The following IGFN1 variants were observed in gnomAD, a reference collection of about 807,000 sequenced individuals.
The protein encoded by IGFN1 is immunoglobulin like and fibronectin type III domain containing 1.
IGFN1 carries 253 observed loss-of-function variants against 289.5 expected under a neutral mutation model. The observed-to-expected ratio is 0.87, with a 90% CI of 0.79 to 0.97. IGFN1 has a LOEUF of 0.97. IGFN1 is among the 50% of genes least tolerant of loss of function. The pLI, the probability that IGFN1 is intolerant of heterozygous loss-of-function variation, is 0.00. For synonymous variants in IGFN1, 1,706 were observed against 1,788.5 expected, an observed-to-expected ratio of 0.95 and a Z score of 1.16; for missense variants, 4,470 against 4,686.1, an observed-to-expected ratio of 0.95 and a Z score of 1.35.
chr1:201,227,358 A>G (rs893807546), intron 23 of IGFN1, 150 bp downstream of exon 23: 3 of 575,944 alleles, frequency 5.2e-6, no homozygotes, highest in Non-Finnish European at 9.0e-6. Context: ...ACTTTCAGCT[A>G]TTTAACCTAC....
rs1410244647 is a variant in IGFN1, at chr1:201,213,136, A to C, written c.8243A>C (p.Lys2748Thr). The change falls in exon 12 of 24, where the codon AAA becomes ACA. Residue 2748 changes from lysine (K) to threonine (T), a missense_variant. Physicochemically the swap from Lys to Thr is moderately conservative, Grantham distance 78. Coordinates refer to ENST00000335211, the MANE Select transcript of IGFN1 (RefSeq NM_001164586.2). ...GGCTTAGATGGTCCCTTTGGCAGAA[A>C]AGCCTCTAGAGATAGGTCAGGAGGG... ...WNGLDGPFGR[K>T]ASRDRSGGTQ... 6.4e-7 allele frequency: 1 copy of C among 1,551,584 alleles called. No individual in the cohort carries two copies. Among genetic ancestry groups the C allele is most frequent in the African/African-American group, 1.4e-5 (1 of 73,122 alleles).
rs569661162 is a variant in IGFN1 at position 201,207,302 on chromosome 1, G to A, written c.2409G>A (p.Ser803=). ...GRDGQETAWA[S]GEVEYDPRSF... is the part of the protein sequence containing the mutation. ...ATGGCCAGGAAACAGCTTGGGCCTC[G>A]GGTGAGGTAGAGTATGACCCCAGAA... Residue 803 remains serine, a synonymous_variant, in exon 12 of 24, where the codon TCG becomes TCA. Coordinates refer to ENST00000335211, the MANE Select transcript of IGFN1 (RefSeq NM_001164586.2). The A allele has an allele frequency of 6.8e-5, 104 of 1,536,726 alleles. No homozygotes were observed. The highest frequency in any genetic ancestry group is 5.0e-4 in the Middle Eastern group (3 of 5,990).
chr1:201,227,682 G>A (rs1360774532), intron 23 of IGFN1, among the ~76,000 whole-genome samples: 2 of 151,844 alleles, frequency 1.3e-5, no homozygotes, highest in Non-Finnish European at 1.5e-5. Flanking sequence ...CACCCGCCTC[G>A]GCCTCCCAAA....
At chr1:201,192,388 T>TC (rs1196334286) in intron 1 of IGFN1, among the ~76,000 whole-genome samples, 1 of 151,822 alleles carries the variant, frequency 6.6e-6, no homozygotes, top group Non-Finnish European at 1.5e-5. Flanking sequence ...TTTCAAGACA[T>TC]CCCCCCTCCC....
chr1:201,216,895 C>T, intron 16 of IGFN1, 142 bp downstream of exon 16: 1 of 665,198 alleles, frequency 1.5e-6, no homozygotes, highest in Non-Finnish European at 2.5e-6. Flanking sequence ...TCTGGAGACT[C>T]CTTCCCTCAG....
chr1:201,214,994 G>A lies in IGFN1; in HGVS notation c.8854-19G>A. The A allele has an allele frequency of 1.5e-5, 24 of 1,611,172 alleles. No homozygotes were observed. Among genetic ancestry groups the A allele is most frequent in the Non-Finnish European group, 2.0e-5 (23 of 1,178,274 alleles). On this transcript the variant is annotated intron_variant, in intron 13 of 23. Transcript: ENST00000335211. ...GATGGGAGTGGGGTGACCTTCTCCTGCTGTGGCCCTGTCTCCAGCTCACCA... is the reference window on the plus strand; with the variant it reads ...GATGGGAGTGGGGTGACCTTCTCCTACTGTGGCCCTGTCTCCAGCTCACCA...
chr1:201,210,960 T>C lies in IGFN1; in HGVS notation c.6067T>C (p.Ser2023Pro), dbSNP rs756404830. The C allele has an allele frequency of 8.7e-6, 7 of 805,420 alleles. No individual in the cohort carries two copies. In the South Asian group the frequency reaches 1.3e-4, roughly 15 times the overall value. 49.9% of individuals were successfully genotyped at this position (805,420 alleles called of 1,614,324 possible). ...KAGFRDGLGG[S>P]EEMRSMDEAG... ...AGGTTTCAGGGATGGTTTAGGGGGT[T>C]CTGAAGAAATGCGGTCAATGGATGA... is the stretch of plus-strand genomic sequence containing the variant. Residue 2023 changes from serine to proline, a missense_variant, in exon 12 of 24, where the codon TCT becomes CCT. This residue lies in a region of IGFN1 where 108 missense variants were observed against 128.7 expected (regional missense o/e 0.84). Coordinates refer to ENST00000335211, the MANE Select transcript of IGFN1 (RefSeq NM_001164586.2).
Position 201,206,193 on chromosome 1 carries a change from A to G in IGFN1, c.1300A>G (p.Lys434Glu). The change falls in exon 12 of 24, where the codon AAA (lysine) becomes GAA (glutamate). Residue 434 changes from lysine (K) to glutamate (E), a missense_variant. Around this residue, in one of 8 missense-constraint regions of IGFN1, gnomAD observed 2,011 missense variants for 1,953.4 expected, o/e 1.03. Transcript: ENST00000335211. ...ESGSIESQGEKSREQGPRGGS... is the reference protein window; with the variant it reads ...ESGSIESQGEESREQGPRGGS... Reference sequence around the variant, plus strand: ...TGGGAGCATCGAGAGCCAGGGAGAGAAATCCAGAGAGCAGGGCCCCAGGGG... The same window carrying G: ...TGGGAGCATCGAGAGCCAGGGAGAGGAATCCAGAGAGCAGGGCCCCAGGGG... The G allele has an allele frequency of 6.5e-7, 1 of 1,550,098 alleles. No individual in the cohort carries two copies. The highest frequency in any genetic ancestry group is 2.4e-5 in the East Asian group (1 of 40,920).
Position 201,221,453 on chromosome 1 carries a change from G to T in IGFN1, c.9908G>T (p.Gly3303Val). The T allele has an allele frequency of 1.9e-6, 3 of 1,583,618 alleles. No individual in the cohort carries two copies. The highest frequency in any genetic ancestry group is 2.6e-6 in the Non-Finnish European group (3 of 1,163,068). The change falls in exon 19 of 24, where the codon GGG becomes GTG. Residue 3303 changes from glycine (G) to valine (V), a missense_variant. Physicochemically the swap from Gly to Val is moderately radical, Grantham distance 109. Transcript: ENST00000335211. Reference protein sequence around the residue: ...VFARDPMRPPGLVRNLQVTDR... With the variant: ...VFARDPMRPPVLVRNLQVTDR... ...CCATGGTGCCTGGCAGGACCCCCTG[G>T]GCTGGTGAGGAATCTCCAAGTCACA... is the stretch of plus-strand genomic sequence containing the variant.
At chr1:201,218,157 C>T (rs573051107) in intron 17 of IGFN1, among the ~76,000 whole-genome samples, 69 of 152,348 alleles carry the variant, frequency 4.5e-4, no homozygotes, top group African/African-American at 1.5e-3. Flanking sequence ...GAGCTGAGGC[C>T]TGTCAGGGCT....
Position 201,221,679 on chromosome 1 carries a change from A to T in IGFN1, c.10134A>T (p.Ala3378=), listed in dbSNP as rs1338782423. The change falls in exon 19 of 24, where the codon GCA becomes GCT. Residue 3378 remains alanine, a synonymous_variant. Coordinates refer to ENST00000335211, the MANE Select transcript of IGFN1 (RefSeq NM_001164586.2). ...PGEGYFVRVT[A]VNEGGQSQPS... is the part of the protein sequence containing the mutation. ...AGGGCTACTTCGTGCGGGTGACAGC[A>T]GTTAATGAAGGAGGCCAGAGCCAGC... 94 of 1,613,862 alleles carry T rather than the reference A, an allele frequency of 5.8e-5. No individual in the cohort carries two copies. Among genetic ancestry groups the T allele is most frequent in the Non-Finnish European group, 7.8e-5 (92 of 1,179,926 alleles).
intron 16 of IGFN1, among the ~76,000 whole-genome samples, 163 bp from the exon 17 acceptor site, chr1:201,217,124 G>A (rs1054920468): frequency 1.3e-5 from 2 of 152,134 alleles, no homozygotes; most frequent in Non-Finnish European, 2.9e-5. Context: ...CCCTTGAATA[G>A]CCAGAACACT....
At chr1:201,204,957 G>T in intron 10 of IGFN1, 125 bp from the exon 11 acceptor site, 1 of 943,228 alleles carries the variant, frequency 1.1e-6, no homozygotes, top group East Asian at 2.7e-5. Context: ...ACCTGTCCAA[G>T]GTAACATGGG....
rs781181516 is a variant in IGFN1, at chr1:201,228,534, G to A, written c.*135G>A. On this transcript the variant is annotated 3_prime_UTR_variant, in exon 24 of 24. Coordinates refer to ENST00000335211, the MANE Select transcript of IGFN1 (RefSeq NM_001164586.2). The stretch of plus-strand genomic sequence containing the variant: ...AAATGGGAGTGAGAAGATGCCTGGC[G>A]AGGTTTTGGCCAGGAGGACGTGAAG... The A allele has an allele frequency of 4.7e-5, 47 of 992,648 alleles. No individual in the cohort carries two copies. The highest frequency in any genetic ancestry group is 7.2e-5 in the Non-Finnish European group (45 of 621,500). The allele number at this position is 992,648 out of a possible 1,614,324, so 61.5% of individuals were successfully genotyped here.
rs761522284 is a variant in IGFN1, at chr1:201,214,180, C to T, written c.8732C>T (p.Pro2911Leu). 1.9e-6 allele frequency: 3 copies of T among 1,611,870 alleles called. No homozygotes were observed. The highest frequency in any genetic ancestry group is 1.7e-6 in the Non-Finnish European group (2 of 1,178,998). Residue 2911 changes from proline to leucine, a missense_variant, in exon 13 of 24, where the codon CCC (proline) becomes CTC (leucine). Physicochemically the swap from Pro to Leu is moderately conservative, Grantham distance 98. Coordinates refer to ENST00000335211, the MANE Select transcript of IGFN1 (RefSeq NM_001164586.2). ...GATTCCCTCTGTGTCTCTCCAGGCCCCATGGGCCACTTCTCCCAGGGCCTG... is the reference window on the plus strand; with the variant it reads ...GATTCCCTCTGTGTCTCTCCAGGCCTCATGGGCCACTTCTCCCAGGGCCTG... The part of the protein sequence containing the change: ...TGSFSKDAQG[P>L]MGHFSQGLAD...
At position 201,206,225 on chromosome 1, in the gene IGFN1, C is replaced by A. The variant is rs530155606; in HGVS notation, c.1332C>A (p.Ser444=). The change falls in exon 12 of 24, where the codon TCC becomes TCA. Residue 444 remains serine (S), a synonymous_variant. Transcript: ENST00000335211. The part of the protein sequence containing the change: ...KSREQGPRGG[S]LEGAGPASGL... ...GAGAGCAGGGCCCCAGGGGGGGCTCCCTTGAAGGGGCTGGGCCGGCTTCTG... is the reference window on the plus strand; with the variant it reads ...GAGAGCAGGGCCCCAGGGGGGGCTCACTTGAAGGGGCTGGGCCGGCTTCTG... The A allele has an allele frequency of 1.3e-6, 2 of 1,548,036 alleles. No homozygotes were observed. The highest frequency in any genetic ancestry group is 1.4e-5 in the African/African-American group (1 of 72,956).
At position 201,195,893 on chromosome 1, in the gene IGFN1, G is replaced by A. The variant is rs1027265438; in HGVS notation, c.182G>A (p.Arg61His). ...TGTGGGGAGCCCAGGCCCGAGGTGC[G>A]TTGGCAGAACTCCAAAGGTGACCTC... ...VVCGEPRPEV[R>H]WQNSKGDLSD... Residue 61 changes from arginine (R) to histidine (H), a missense_variant, in exon 4 of 24, where the codon CGT (arginine) becomes CAT (histidine). By Grantham distance (29) the Arg-to-His change is conservative. Transcript: ENST00000335211. 2.6e-5 allele frequency: 41 copies of A among 1,551,584 alleles called. No homozygotes were observed. The highest frequency in any genetic ancestry group is 1.4e-4 in the African/African-American group (10 of 73,028).
intron 13 of IGFN1, among the ~76,000 whole-genome samples, chr1:201,214,723 T>C (rs1188352991): frequency 2.0e-5 from 3 of 152,214 alleles, no homozygotes; most frequent in Admixed American, 6.5e-5. Context: ...ATCAGCTAAG[T>C]CTGGCTTCAG....
chr1:201,211,899 A>T lies in IGFN1; in HGVS notation c.7006A>T (p.Ser2336Cys), dbSNP rs371910610. Residue 2336 changes from serine to cysteine, a missense_variant, in exon 12 of 24, where the codon AGT becomes TGT. This residue lies in a region of IGFN1 where 2,218 missense variants were observed against 2,114.1 expected (regional missense o/e 1.05). Transcript: ENST00000335211. ...FGGTSGMGSG[S>C]EVSYRGGSGG... ...GGGAACTAGTGGCATGGGGTCAGGG[A>T]GTGAGGTCAGTTATAGAGGAGGCTC... 9.2e-5 allele frequency: 141 copies of T among 1,528,946 alleles called. No individual in the cohort carries two copies. In the African/African-American group the frequency reaches 1.9e-3, roughly 20 times the overall value. 94.7% of individuals were successfully genotyped at this position (1,528,946 alleles called of 1,614,324 possible).
Sources: allele counts gnomAD v4.1 joint callset (sites outside exome capture counted in the v4.1 genomes callset), GRCh38; gene constraint gnomAD v4.1.1; regional missense constraint gnomAD v4.1.1; transcripts MANE v1.5; gene names NCBI Gene and HGNC (gene_info 2026-07-23, HGNC 2026-07-21).